YBX1: variants seen among roughly 807,000 people sequenced by gnomAD.
YBX1 encodes Y-box-binding protein 1.
YBX1 carries 3 observed loss-of-function variants against 41.4 expected under a neutral mutation model. The ratio of observed to expected loss-of-function variants is 0.07; its 90% CI spans 0.03 to 0.19. YBX1 has a LOEUF of 0.19. YBX1 is among the 10% of genes least tolerant of loss of function. The pLI, the probability that YBX1 is intolerant of heterozygous loss-of-function variation, is 1.00. For missense variants in YBX1, 274 were observed against 462.8 expected, an observed-to-expected ratio of 0.59 and a Z score of 3.74; for synonymous variants, 133 against 165.8, an observed-to-expected ratio of 0.80 and a Z score of 1.52.
At chr1:42,698,811 C>G (rs1650523040) in intron 6 of YBX1, among the ~76,000 whole-genome samples, 1 of 152,178 alleles carries the variant, frequency 6.6e-6, no homozygotes. Flanking sequence ...CAGATAGTTG[C>G]AGAAGTAACA....
rs116633720 is a variant in YBX1 at position 42,703,414 on chromosome 1, G to T, written c.*1465G>T. On this transcript the variant is annotated 3_prime_UTR_variant, in exon 8 of 8. Transcript: ENST00000321358. Reference sequence around the variant, plus strand: ...GGCACATCAGGAATCCTGCAGTGCTGTGGAAGTCATCTCCTGCTTGGGACT... The same window carrying T: ...GGCACATCAGGAATCCTGCAGTGCTTTGGAAGTCATCTCCTGCTTGGGACT... Among the ~76,000 whole-genome samples the T allele has an allele frequency of 6.6e-6, 1 of 152,008 alleles. No individual in the cohort carries two copies. Among genetic ancestry groups the T allele is most frequent in the Non-Finnish European group, 1.5e-5 (1 of 68,012 alleles).
intron 2 of YBX1, among the ~76,000 whole-genome samples, chr1:42,691,363 T>G (rs1036556546): frequency 6.6e-6 from 1 of 152,214 alleles, no homozygotes; most frequent in African/African-American, 2.4e-5. Context: ...GCCTTGTGCT[T>G]TCTCTGTGCA....
chr1:42,693,352 T>G, intron 2 of YBX1, 138 bp from the exon 3 acceptor site: 2 of 836,778 alleles, frequency 2.4e-6, no homozygotes, highest in South Asian at 2.9e-5. Context: ...GCAGAGAGCA[T>G]GGTGGCTTGT....
chr1:42,695,812 A>T (rs1033702199), intron 3 of YBX1, among the ~76,000 whole-genome samples: 4 of 152,260 alleles, frequency 2.6e-5, no homozygotes, highest in African/African-American at 9.6e-5. Context: ...CTCGCCTGTC[A>T]TCTAAACTGA....
intron 2 of YBX1, among the ~76,000 whole-genome samples, chr1:42,686,994 T>G (rs989669962): frequency 6.6e-6 from 1 of 152,186 alleles, no homozygotes; most frequent in African/African-American, 2.4e-5. Flanking sequence ...GGGTGATTAT[T>G]TTTAGCCGTT....
chr1:42,695,129 G>A (rs1650428618), intron 3 of YBX1, among the ~76,000 whole-genome samples: 1 of 152,162 alleles, frequency 6.6e-6, no homozygotes, highest in Non-Finnish European at 1.5e-5. Flanking sequence ...CCACCAATAT[G>A]CTTTCATTTT....
chr1:42,684,610 A>G lies in YBX1; in HGVS notation c.230+1144A>G, dbSNP rs201546466. Among the ~76,000 whole-genome samples, 6 of 152,210 alleles carry G rather than the reference A, an allele frequency of 3.9e-5. No homozygotes were observed. The East Asian group carries it at 9.6e-4, about 24-fold the overall frequency. On this transcript the variant is annotated intron_variant, in intron 2 of 7. Coordinates refer to ENST00000321358, the MANE Select transcript of YBX1 (RefSeq NM_004559.5). ...GTAAGAGATAAGCATTTGGTGATCT[A>G]TTCTCTACTTTTGCAATTGTGGGAA...
At chr1:42,699,494 A>T (rs1437803753) in intron 6 of YBX1, among the ~76,000 whole-genome samples, 1 of 151,444 alleles carries the variant, frequency 6.6e-6, no homozygotes, top group Non-Finnish European at 1.5e-5. Flanking sequence ...GTTTATCCAG[A>T]TCTGGTTTGA....
intron 6 of YBX1, among the ~76,000 whole-genome samples, 193 bp from the exon 7 acceptor site, chr1:42,700,588 G>C (rs1650569632): frequency 1.5e-5 from 2 of 133,468 alleles, no homozygotes; most frequent in Non-Finnish European, 3.1e-5. Flanking sequence ...AACAAAGCAA[G>C]ACTCTTCCCC....
At chr1:42,685,282 G>T (rs1353213123) in intron 2 of YBX1, among the ~76,000 whole-genome samples, 1 of 152,044 alleles carries the variant, frequency 6.6e-6, no homozygotes, top group Admixed American at 6.5e-5. Flanking sequence ...TTCTGAATTG[G>T]AATCAACTCA....
intron 2 of YBX1, among the ~76,000 whole-genome samples, chr1:42,690,947 C>G (rs566707213): frequency 6.6e-6 from 1 of 152,240 alleles, no homozygotes; most frequent in South Asian, 2.1e-4. Context: ...CCAGCAAACA[C>G]CTGAGAGAAA....
chr1:42,687,328 A>G (rs371110930), intron 2 of YBX1, among the ~76,000 whole-genome samples: 43 of 151,140 alleles, frequency 2.8e-4, no homozygotes, highest in African/African-American at 9.5e-4. Flanking sequence ...CTTGTCACCC[A>G]GGCTGGAGTG....
Position 42,682,744 on chromosome 1 carries a change from C to G in YBX1, c.166+13C>G. The G allele has an allele frequency of 8.2e-7, 1 of 1,219,980 alleles. No homozygotes were observed. The highest frequency in any genetic ancestry group is 1.0e-6 in the Non-Finnish European group (1 of 981,794). 75.6% of individuals were successfully genotyped at this position (1,219,980 alleles called of 1,614,324 possible). On this transcript the variant is annotated intron_variant, in intron 1 of 7. Transcript: ENST00000321358. The stretch of plus-strand genomic sequence containing the variant: ...AAGAAGGTCATCGGTGAGGACCGGA[C>G]AGGGACGGGGGTGGGGCCCTCGGGC...
intron 1 of YBX1, 143 bp downstream of exon 1, chr1:42,682,874 C>G (rs972507272): frequency 2.9e-6 from 1 of 341,220 alleles, no homozygotes; most frequent in Non-Finnish European, 4.8e-6. Context: ...CCGTCCCCCC[C>G]TCACTCCCTC....
At chr1:42,685,965 T>C (rs1650184445) in intron 2 of YBX1, among the ~76,000 whole-genome samples, 1 of 152,240 alleles carries the variant, frequency 6.6e-6, no homozygotes. Context: ...TTTATTTTGT[T>C]AGACTGTGTA....
At chr1:42,701,346 A>G (rs1650595611) in intron 7 of YBX1, among the ~76,000 whole-genome samples, 1 of 152,162 alleles carries the variant, frequency 6.6e-6, no homozygotes, top group African/African-American at 2.4e-5. Context: ...TTATGATTTC[A>G]CTAGTAAACA....
At position 42,682,483 on chromosome 1, in the gene YBX1, C is replaced by T; in HGVS notation, c.-83C>T. 1 of 1,342,104 alleles carries T rather than the reference C, an allele frequency of 7.5e-7. No individual in the cohort carries two copies. Among genetic ancestry groups the T allele is most frequent in the Non-Finnish European group, 9.5e-7 (1 of 1,048,036 alleles). 83.1% of individuals were successfully genotyped at this position (1,342,104 alleles called of 1,614,324 possible). Reference sequence around the variant, plus strand: ...CCCCAGAGAGCCCTGAGCAGCCCCACCGCCGCCGCCGGCCTAGTTACCATC... The same window carrying T: ...CCCCAGAGAGCCCTGAGCAGCCCCATCGCCGCCGCCGGCCTAGTTACCATC... On this transcript the variant is annotated 5_prime_UTR_variant, in exon 1 of 8. Transcript: ENST00000321358.
At chr1:42,683,318 G>C in intron 1 of YBX1, 85 bp from the exon 2 acceptor site, 1 of 1,547,414 alleles carries the variant, frequency 6.5e-7, no homozygotes, top group Non-Finnish European at 8.9e-7. Context: ...CGGCCGGCGT[G>C]CGAGGGACCG....
At chr1:42,697,003 G>T in intron 5 of YBX1, 59 bp downstream of exon 5, 1 of 1,494,368 alleles carries the variant, frequency 6.7e-7, no homozygotes. Flanking sequence ...GTTTAGAGCT[G>T]TTAATTATAT....
Sources: allele counts gnomAD v4.1 joint callset (sites outside exome capture counted in the v4.1 genomes callset), GRCh38; gene constraint gnomAD v4.1.1; transcripts MANE v1.5; gene names NCBI Gene and HGNC (gene_info 2026-07-23, HGNC 2026-07-21).